ZBTB7C: variants seen among roughly 807,000 people sequenced by gnomAD.
The protein encoded by ZBTB7C is zinc finger and BTB domain containing 7C.
In ZBTB7C, 8 loss-of-function variants were observed where a neutral mutation model predicts 25.7. The ratio of observed to expected loss-of-function variants is 0.31; its 90% CI spans 0.18 to 0.56. The LOEUF is 0.56. Among genes scored for constraint, ZBTB7C ranks in the 20% least tolerant of loss-of-function variants. The probability of loss-of-function intolerance (pLI) is 0.91; values close to 1 mark genes in which losing one functional copy is unlikely to be tolerated. For missense variants in ZBTB7C, 824 were observed against 855.2 expected (o/e 0.96, Z 0.46); for synonymous variants, 394 against 369.0 (o/e 1.07, Z -0.78).
chr18:48,406,959 T>C (rs1270864555), intron 1 of ZBTB7C, among the ~76,000 whole-genome samples: 1 of 152,234 alleles, frequency 6.6e-6, no homozygotes, highest in East Asian at 1.9e-4. Flanking sequence ...ACAAAATAAG[T>C]GGCTAAAATC....
chr18:48,289,290 C>T (rs144519093), intron 2 of ZBTB7C, among the ~76,000 whole-genome samples: 337 of 152,232 alleles, frequency 2.2e-3, no homozygotes, highest in Non-Finnish European at 4.0e-3. Context: ...CACTTATGCT[C>T]CAGGAGACAA....
At chr18:48,095,778 C>T (rs554197448) in intron 3 of ZBTB7C, among the ~76,000 whole-genome samples, 37 of 151,914 alleles carry the variant, frequency 2.4e-4, no homozygotes, top group Non-Finnish European at 4.4e-4. Context: ...GGATGAATGA[C>T]GGTCTTGTTG....
In ZBTB7C at chr18:48,316,551, G is replaced by A. The variant is rs141175660; in HGVS notation, c.-79+21623C>T. Among the ~76,000 whole-genome samples, 99 of 152,376 alleles carry A rather than the reference G, an allele frequency of 6.5e-4. 1 individual carries two copies. In the East Asian group the frequency reaches 0.019, roughly 29 times the overall value. On this transcript the variant is annotated intron_variant, in intron 2 of 4. Transcript: ENST00000590800. ...GGAGTGGATTTCTCATGAATGGCTTGGTGCCATGCCCTTGGCAATGAGTGA... is the reference window on the plus strand; with the variant it reads ...GGAGTGGATTTCTCATGAATGGCTTAGTGCCATGCCCTTGGCAATGAGTGA...
intron 2 of ZBTB7C, among the ~76,000 whole-genome samples, chr18:48,237,397 A>G (rs1175936991): frequency 6.6e-6 from 1 of 152,160 alleles, no homozygotes; most frequent in Admixed American, 6.5e-5. Flanking sequence ...TGGGGAGCTG[A>G]GACTCCCAAC....
At chr18:48,330,957 G>A (rs2046330308) in intron 2 of ZBTB7C, among the ~76,000 whole-genome samples, 1 of 152,188 alleles carries the variant, frequency 6.6e-6, no homozygotes, top group African/African-American at 2.4e-5. Context: ...AACCAACAAA[G>A]GGAGAGCCCA....
intron 2 of ZBTB7C, among the ~76,000 whole-genome samples, chr18:48,215,258 T>C (rs1055632387): frequency 4.6e-5 from 7 of 152,180 alleles, no homozygotes; most frequent in Non-Finnish European, 1.0e-4. Context: ...CCCAGCTTGG[T>C]AGGCTTACTC....
intron 2 of ZBTB7C, among the ~76,000 whole-genome samples, chr18:48,308,557 A>G (rs368490924): frequency 1.3e-5 from 2 of 152,334 alleles, no homozygotes; most frequent in South Asian, 4.1e-4. Flanking sequence ...CAATTGGACC[A>G]ATACGTTTGT....
At chr18:48,387,819 G>A (rs1214159969) in intron 1 of ZBTB7C, among the ~76,000 whole-genome samples, 1 of 117,308 alleles carries the variant, frequency 8.5e-6, no homozygotes, top group Non-Finnish European at 1.8e-5. Context: ...CAGGTTTTTT[G>A]TTTGGTTTGG....
chr18:48,387,604 G>A (rs948267240), intron 1 of ZBTB7C, among the ~76,000 whole-genome samples: 1 of 152,092 alleles, frequency 6.6e-6, no homozygotes, highest in African/African-American at 2.4e-5. Context: ...ATCTTCCTTT[G>A]AGACAGAGAA....
chr18:48,170,002 T>C (rs2041413218), intron 3 of ZBTB7C: 1 of 151,932 alleles, frequency 6.6e-6, no homozygotes, highest in Non-Finnish European at 1.5e-5. Flanking sequence ...CCCTCACCTC[T>C]CCTGACCTAA....
intron 3 of ZBTB7C, among the ~76,000 whole-genome samples, chr18:48,105,948 A>G (rs1219348051): frequency 1.5e-4 from 23 of 152,258 alleles, no homozygotes; most frequent in Non-Finnish European, 1.2e-4. Context: ...TAGTCTTTCT[A>G]TGGTCTCATG....
chr18:48,326,249 C>T lies in ZBTB7C; in HGVS notation c.-79+11925G>A, dbSNP rs572129915. Among the ~76,000 whole-genome samples, 22 of 152,154 alleles carry T rather than the reference C, an allele frequency of 1.4e-4. No individual in the cohort carries two copies. The South Asian group carries it at 4.2e-3, about 29-fold the overall frequency. ...TAGCTGGGATTACAGGTGCGTGCTA[C>T]CATGGCCAGCTAATTTTTGCATTTT... On this transcript the variant is annotated intron_variant, in intron 2 of 4. Transcript: ENST00000590800.
intron 3 of ZBTB7C, among the ~76,000 whole-genome samples, chr18:48,088,951 C>G (rs1382740101): frequency 6.6e-6 from 1 of 152,156 alleles, no homozygotes; most frequent in Admixed American, 6.5e-5. Flanking sequence ...ATTTGGTAGG[C>G]AATGGGCAGC....
chr18:48,204,875 C>T (rs1415847954), intron 2 of ZBTB7C, among the ~76,000 whole-genome samples: 1 of 152,188 alleles, frequency 6.6e-6, no homozygotes, highest in African/African-American at 2.4e-5. Context: ...ATTTAGCCTG[C>T]TTTGGGCTTA....
intron 2 of ZBTB7C, among the ~76,000 whole-genome samples, chr18:48,243,089 C>A (rs2043574450): frequency 6.6e-6 from 1 of 151,940 alleles, no homozygotes; most frequent in Non-Finnish European, 1.5e-5. Context: ...ACAGCAAAAC[C>A]CCATCTCCAC....
intron 1 of ZBTB7C, among the ~76,000 whole-genome samples, chr18:48,394,340 T>C (rs2145276623): frequency 6.6e-6 from 1 of 152,342 alleles, no homozygotes; most frequent in East Asian, 1.9e-4. Context: ...TTTCTAGTGA[T>C]ACTAGCTTGA....
chr18:48,161,096 T>C (rs1321129783), intron 3 of ZBTB7C, among the ~76,000 whole-genome samples: 1 of 148,402 alleles, frequency 6.7e-6, no homozygotes, highest in African/African-American at 2.5e-5. Context: ...CCTGGCAGCT[T>C]GTGGGCCCTG....
chr18:48,113,700 T>C (rs998842540), intron 3 of ZBTB7C, among the ~76,000 whole-genome samples: 6 of 152,366 alleles, frequency 3.9e-5, no homozygotes, highest in Admixed American at 1.3e-4. Flanking sequence ...GGCTGAGCCC[T>C]CCACACAGAT....
intron 2 of ZBTB7C, among the ~76,000 whole-genome samples, chr18:48,235,124 A>G (rs2043346508): frequency 6.6e-6 from 1 of 152,216 alleles, no homozygotes; most frequent in African/African-American, 2.4e-5. Flanking sequence ...CAATCTGACC[A>G]ATCTCTCTTT....
Sources: gnomAD v4.1 joint callset for allele counts (sites outside exome capture counted in the v4.1 genomes callset) on GRCh38, gnomAD v4.1.1 for gene constraint, MANE v1.5 for transcripts, NCBI Gene and HGNC (gene_info 2026-07-23, HGNC 2026-07-21) for gene names.